CDC42SE2: variants seen among roughly 807,000 people sequenced by gnomAD.
CDC42SE2 encodes the protein CDC42 small effector 2.
Under a neutral mutation model 11.5 loss-of-function variants are expected in CDC42SE2, and 3 were observed. That is an observed-to-expected ratio of 0.26 (90% CI 0.12 to 0.67). CDC42SE2 has a LOEUF of 0.67. Among genes scored for constraint, CDC42SE2 ranks in the 30% least tolerant of loss-of-function variants. The pLI is 0.80. For missense variants in CDC42SE2, 82 were observed against 106.8 expected, an observed-to-expected ratio of 0.77 and a Z score of 1.02; for synonymous variants, 33 against 34.8, an observed-to-expected ratio of 0.95 and a Z score of 0.18.
At chr5:131,340,709 G>C (rs1484431326) in intron 2 of CDC42SE2, among the ~76,000 whole-genome samples, 2 of 150,104 alleles carry the variant, frequency 1.3e-5, no homozygotes, top group Non-Finnish European at 3.0e-5. Context: ...TTCCAAGACA[G>C]AGTGTCACTC....
At chr5:131,270,363 A>G (rs1261752917) in intron 1 of CDC42SE2, among the ~76,000 whole-genome samples, 7 of 152,252 alleles carry the variant, frequency 4.6e-5, no homozygotes, top group Non-Finnish European at 8.8e-5. Flanking sequence ...CGAAAGAGTG[A>G]GACTCCGTCT....
At chr5:131,291,234 A>AT (rs999277355) in intron 1 of CDC42SE2, among the ~76,000 whole-genome samples, 49 of 150,708 alleles carry the variant, frequency 3.3e-4, no homozygotes, top group South Asian at 1.7e-3. Context: ...TATGTATATG[A>AT]TTTTTTTTTT....
intron 2 of CDC42SE2, among the ~76,000 whole-genome samples, chr5:131,330,866 A>G (rs1040544691): frequency 1.3e-5 from 2 of 151,748 alleles, no homozygotes; most frequent in African/African-American, 4.8e-5. Context: ...AAAAAAAAAA[A>G]AAAAATTTAA....
the CDC42SE2 span, among the ~76,000 whole-genome samples, chr5:131,221,217 G>A: frequency 1.3e-5 from 2 of 151,778 alleles, no homozygotes; most frequent in Admixed American, 6.6e-5. Context: ...CGCAGCCCAC[G>A]GCCACATGCA....
At chr5:131,367,783 CTTAAGAATTT>C (rs1749902502) in intron 3 of CDC42SE2, among the ~76,000 whole-genome samples, 1 of 152,040 alleles carries the variant, frequency 6.6e-6, no homozygotes, top group African/African-American at 2.4e-5. Flanking sequence ...TATTTTTGTG[CTTAAGAATTT>C]TTTCTTACCT....
intron 1 of CDC42SE2, among the ~76,000 whole-genome samples, chr5:131,285,153 G>A (rs1173200575): frequency 6.6e-6 from 1 of 151,894 alleles, no homozygotes; most frequent in Non-Finnish European, 1.5e-5. Flanking sequence ...TGGTGAGGTG[G>A]TATACACCTT....
intron 2 of CDC42SE2, among the ~76,000 whole-genome samples, chr5:131,257,913 CT>C (rs533453561): frequency 1.8e-3 from 278 of 152,300 alleles, no homozygotes; most frequent in African/African-American, 6.3e-3. Flanking sequence ...GAATGGCTTC[CT>C]AACACACACT....
At chr5:131,323,246 A>C (rs1284299917) in intron 2 of CDC42SE2, among the ~76,000 whole-genome samples, 1 of 151,236 alleles carries the variant, frequency 6.6e-6, no homozygotes, top group African/African-American at 2.4e-5. Context: ...GTGTCATCTC[A>C]AACTCCTGGG....
intron 2 of CDC42SE2, among the ~76,000 whole-genome samples, chr5:131,320,144 G>T (rs1308521976): frequency 1.3e-5 from 2 of 151,736 alleles, no homozygotes; most frequent in Non-Finnish European, 2.9e-5. Flanking sequence ...GAACACTTTG[G>T]GAGGCCAAGG....
At chr5:131,259,412 C>G (rs1427581152), upstream of CDC42SE2, among the ~76,000 whole-genome samples, 3 of 151,172 alleles carry the variant, frequency 2.0e-5, no homozygotes, top group African/African-American at 7.4e-5. Context: ...TAACATTGGT[C>G]AAGTGGATTT....
intron 2 of CDC42SE2, among the ~76,000 whole-genome samples, chr5:131,347,562 C>T (rs528801193): frequency 1.3e-5 from 2 of 152,248 alleles, no homozygotes; most frequent in African/African-American, 4.8e-5. Context: ...CCGAATTCTA[C>T]CAGAGGTACA....
chr5:131,311,115 G>A (rs1757899988), intron 1 of CDC42SE2, among the ~76,000 whole-genome samples: 12 of 151,794 alleles, frequency 7.9e-5, no homozygotes, highest in Admixed American at 7.2e-4. Context: ...CTTCCTTCAG[G>A]AGCTCTTTTA....
chr5:131,345,579 G>A (rs933311836), intron 2 of CDC42SE2, among the ~76,000 whole-genome samples: 1 of 152,060 alleles, frequency 6.6e-6, no homozygotes, highest in Non-Finnish European at 1.5e-5. Context: ...CACTCTGCAG[G>A]GTATTATTCA....
At chr5:131,257,553 C>A (rs1262192129) in intron 2 of CDC42SE2, among the ~76,000 whole-genome samples, 1 of 151,348 alleles carries the variant, frequency 6.6e-6, no homozygotes, top group East Asian at 1.9e-4. Context: ...TCTTGGCTCA[C>A]TGCAACCTCT....
intron 1 of CDC42SE2, among the ~76,000 whole-genome samples, chr5:131,277,662 G>A (rs919087208): frequency 6.6e-6 from 1 of 152,178 alleles, no homozygotes; most frequent in Non-Finnish European, 1.5e-5. Context: ...TTGGCTTAGA[G>A]CTTTTACACT....
At chr5:131,374,528 CA>C (rs11311226) in intron 3 of CDC42SE2, among the ~76,000 whole-genome samples, 18,321 of 70,688 alleles carry the variant, frequency 0.26, 785 homozygotes, top group East Asian at 0.35. Context: ...GAGACTGTCT[CA>C]AAAAAAAAAA....
chr5:131,231,463 T>G, the CDC42SE2 span, among the ~76,000 whole-genome samples: 2 of 152,304 alleles, frequency 1.3e-5, no homozygotes, highest in African/African-American at 4.8e-5. Flanking sequence ...AAAACATGTA[T>G]TGTTTGTTAT....
At chr5:131,212,234 A>G in the CDC42SE2 span, among the ~76,000 whole-genome samples, 1 of 151,754 alleles carries the variant, frequency 6.6e-6, no homozygotes, top group South Asian at 2.1e-4. Flanking sequence ...CAGCCTCCTG[A>G]GTAGCTGGGA....
chr5:131,372,210 C>A (rs1252661684), intron 3 of CDC42SE2, among the ~76,000 whole-genome samples: 1 of 152,152 alleles, frequency 6.6e-6, no homozygotes, highest in Non-Finnish European at 1.5e-5. Flanking sequence ...TAAACAGAAT[C>A]TCCTCTACAT....
Sources: gnomAD v4.1 joint callset for allele counts (sites outside exome capture counted in the v4.1 genomes callset) on GRCh38, gnomAD v4.1.1 for gene constraint, MANE v1.5 for transcripts, NCBI Gene and HGNC (gene_info 2026-07-23, HGNC 2026-07-21) for gene names.